The following YJU2B variants were observed in gnomAD, a reference collection of about 807,000 sequenced individuals.
YJU2B encodes the protein YJU2 splicing factor homolog B, also known as probable splicing factor YJU2B.
Under a neutral mutation model 38.0 loss-of-function variants are expected in YJU2B, and 18 were observed. That is an observed-to-expected ratio of 0.47 (90% CI 0.33 to 0.70). YJU2B has a LOEUF of 0.70. Among genes scored for constraint, YJU2B ranks in the 30% least tolerant of loss-of-function variants. The pLI is 0.02. For missense variants in YJU2B, 538 were observed against 556.3 expected (o/e 0.97, Z 0.33); for synonymous variants, 246 against 225.4 (o/e 1.09, Z -0.82).
At chr19:13,750,985 C>T (rs560526435) in intron 1 of YJU2B, among the ~76,000 whole-genome samples, 3 of 151,542 alleles carry the variant, frequency 2.0e-5, no homozygotes, top group African/African-American at 4.8e-5. Context: ...ACAGAGTGAA[C>T]GAGAGATAGA....
chr19:13,747,885 G>T (rs1016491369), upstream of YJU2B: 5 of 152,330 alleles, frequency 3.3e-5, no homozygotes, highest in Non-Finnish European at 7.3e-5. Flanking sequence ...CGGAGAGGGC[G>T]CCCAGGTTCA....
upstream of YJU2B, among the ~76,000 whole-genome samples, chr19:13,745,030 C>A (rs540310054): frequency 6.6e-6 from 1 of 151,898 alleles, no homozygotes; most frequent in East Asian, 1.9e-4. Flanking sequence ...GTCTCATGGT[C>A]TTTTAAGTCA....
rs758952594 is a variant in YJU2B, at chr19:13,762,862, C to T, written c.985C>T (p.Arg329Trp). 46 of 1,608,222 alleles carry T rather than the reference C, an allele frequency of 2.9e-5. No individual in the cohort carries two copies. Among genetic ancestry groups the T allele is most frequent in the Non-Finnish European group, 1.1e-5 (13 of 1,178,172 alleles). The change falls in exon 10 of 10, where the codon CGG becomes TGG. Residue 329 changes from arginine to tryptophan, a missense_variant. Coordinates refer to ENST00000221554, the MANE Select transcript of YJU2B (RefSeq NM_030818.4). The stretch of plus-strand genomic sequence containing the variant: ...GGTACCAGAGGAGGCTGCCCAGGAC[C>T]GGCCCATGTCCCCCGGAGACTGTCC... ...PRVPEEAAQD[R>W]PMSPGDCPPE...
chr19:13,756,384 C>T lies in YJU2B; in HGVS notation c.140+105C>T, dbSNP rs1973669552. On this transcript the variant is annotated intron_variant, in intron 4 of 9. Coordinates refer to ENST00000221554, the MANE Select transcript of YJU2B (RefSeq NM_030818.4). ...GCCCAGTGCTGCAGGGTCTTCATTCCATAAAGCAGAAAGTCACCGTATCAG... is the reference window on the plus strand; with the variant it reads ...GCCCAGTGCTGCAGGGTCTTCATTCTATAAAGCAGAAAGTCACCGTATCAG... 1.8e-5 allele frequency: 15 copies of T among 847,382 alleles called. No individual in the cohort carries two copies. In the East Asian group the frequency reaches 3.0e-4, roughly 17 times the overall value. 52.5% of individuals were successfully genotyped at this position (847,382 alleles called of 1,614,324 possible).
chr19:13,743,597 GA>G (rs1209635391), upstream of YJU2B, among the ~76,000 whole-genome samples: 1 of 136,796 alleles, frequency 7.3e-6, no homozygotes, highest in East Asian at 2.2e-4. Flanking sequence ...AAAAGAAAAA[GA>G]AAAAAATAGA....
At chr19:13,755,813 C>T (rs1001266271) in intron 3 of YJU2B, among the ~76,000 whole-genome samples, 4 of 151,934 alleles carry the variant, frequency 2.6e-5, no homozygotes, top group African/African-American at 9.7e-5. Flanking sequence ...AAAAAAATAG[C>T]CGGGCGTGGT....
chr19:13,762,706 CAG>C lies in YJU2B; in HGVS notation c.832_833del (p.Ser278ProfsTer64). ...KVSGVLKKLA[Q>X]SRRTALATSP... ...CAGCGGCGTCCTGAAGAAGCTGGCA[CAG>C]AGCCGCAGAACCGCGCTTGCCACCT... On this transcript the variant is annotated frameshift_variant, in exon 10 of 10. Coordinates refer to ENST00000221554, the MANE Select transcript of YJU2B (RefSeq NM_030818.4). LOFTEE classifies it low-confidence loss of function (END_TRUNC). 6.2e-7 allele frequency: 1 copy of C among 1,605,962 alleles called. No individual in the cohort carries two copies. The highest frequency in any genetic ancestry group is 8.5e-7 in the Non-Finnish European group (1 of 1,179,458).
At chr19:13,746,064 C>G (rs1199991238), upstream of YJU2B, among the ~76,000 whole-genome samples, 1 of 151,968 alleles carries the variant, frequency 6.6e-6, no homozygotes, top group Non-Finnish European at 1.5e-5. Context: ...CCAGCCTGGC[C>G]AACATGGTGA....
chr19:13,742,240 C>T lies in YJU2B; in HGVS notation c.-201-9368C>T, dbSNP rs114364364. ...CTGCCTACATTCCCCATTTCTCTCT[C>T]CCCTAGGAAGACAGTATTTAACTCA... On this transcript the variant is annotated intron_variant, in intron 2 of 10. Coordinates refer to the YJU2B transcript ENST00000586600. 4.1e-3 allele frequency among the ~76,000 whole-genome samples: 618 copies of T among 151,954 alleles called. 3 individuals carry two copies. The highest frequency in any genetic ancestry group is 0.014 in the African/African-American group (578 of 41,416).
chr19:13,754,207 T>C (rs114375581), intron 2 of YJU2B, 82 bp from the exon 3 acceptor site: 6 of 1,114,986 alleles, frequency 5.4e-6, no homozygotes, highest in Admixed American at 3.7e-5. Context: ...TCAGAAAAAA[T>C]TTTTTTGAAT....
At chr19:13,733,992 A>C (rs530156147) in intron 2 of YJU2B, among the ~76,000 whole-genome samples, 1 of 152,078 alleles carries the variant, frequency 6.6e-6, no homozygotes, top group Non-Finnish European at 1.5e-5. Flanking sequence ...CAGTGGTGCA[A>C]TCATGACTCA....
intron 3 of YJU2B, among the ~76,000 whole-genome samples, chr19:13,755,459 C>CA (rs35675919): frequency 0.065 from 7,441 of 114,602 alleles, 422 homozygotes; most frequent in African/African-American, 0.14. Flanking sequence ...GACTCTGTCT[C>CA]AAAAAAAAAA....
chr19:13,748,760 C>T (rs1973345650), intron 1 of YJU2B, among the ~76,000 whole-genome samples: 1 of 152,152 alleles, frequency 6.6e-6, no homozygotes, highest in Admixed American at 6.6e-5. Context: ...AGGAGTGGAG[C>T]TGGGATTCAA....
intron 2 of YJU2B, among the ~76,000 whole-genome samples, chr19:13,740,574 G>A (rs1973067140): frequency 6.6e-6 from 1 of 152,016 alleles, no homozygotes; most frequent in South Asian, 2.1e-4. Context: ...GTCTCGCTCT[G>A]TCACCCAGGC....
chr19:13,744,083 T>A (rs1369337580), upstream of YJU2B, among the ~76,000 whole-genome samples: 1 of 144,364 alleles, frequency 6.9e-6, no homozygotes, highest in Non-Finnish European at 1.5e-5. Context: ...CCCAGCTACT[T>A]GGGAAGCTGA....
intron 2 of YJU2B, among the ~76,000 whole-genome samples, chr19:13,733,396 G>A (rs566207905): frequency 6.6e-6 from 1 of 152,196 alleles, no homozygotes; most frequent in East Asian, 1.9e-4. Flanking sequence ...TGTGCACTGT[G>A]AGAAGTTGAG....
intron 8 of YJU2B, chr19:13,759,602 CTAAA>C (rs751775045): frequency 7.8e-4 from 156 of 200,114 alleles, no homozygotes; most frequent in Admixed American, 1.4e-3. Context: ...CCCAGCATCT[CTAAA>C]TAAATAAATA....
chr19:13,762,287 C>T lies in YJU2B; in HGVS notation c.574-12C>T, dbSNP rs1599540967. 5.0e-6 allele frequency: 8 copies of T among 1,612,584 alleles called. No individual in the cohort carries two copies. Among genetic ancestry groups the T allele is most frequent in the Non-Finnish European group, 6.8e-6 (8 of 1,179,676 alleles). ...CACCCCCTATCTCTGGTGTTCTTGG[C>T]CCTCAACACAGGAAAAGAAAAAAGC... is the stretch of plus-strand genomic sequence containing the variant. On this transcript the variant is annotated splice_polypyrimidine_tract_variant and intron_variant, in intron 8 of 9. Transcript: ENST00000221554.
intron 2 of YJU2B, 112 bp downstream of exon 2, chr19:13,751,923 T>A: frequency 9.4e-7 from 1 of 1,066,104 alleles, no homozygotes; most frequent in Non-Finnish European, 1.4e-6. Flanking sequence ...AATCTCCGGG[T>A]CATCATCTTT....
Sources: allele counts gnomAD v4.1 joint callset (sites outside exome capture counted in the v4.1 genomes callset), GRCh38; gene constraint gnomAD v4.1.1; transcripts MANE v1.5; gene names NCBI Gene and HGNC (gene_info 2026-07-23, HGNC 2026-07-21).